Variants in SNX29 observed in about 807,000 individuals in gnomAD.
SNX29 encodes the protein sorting nexin 29.
In SNX29, 78 loss-of-function variants were observed where a neutral mutation model predicts 102.1. The observed-to-expected ratio is 0.76, with a 90% CI of 0.64 to 0.92. The LOEUF is 0.92. SNX29 is among the 40% of genes least tolerant of loss of function. The pLI is 0.00. For synonymous variants in SNX29, 580 were observed against 414.5 expected, an observed-to-expected ratio of 1.40 and a Z score of -4.85; for missense variants, 1,280 against 1,061.7, an observed-to-expected ratio of 1.21 and a Z score of -2.86.
At chr16:12,550,482 C>G (rs1044236847) in intron 20 of SNX29, among the ~76,000 whole-genome samples, 1 of 149,332 alleles carries the variant, frequency 6.7e-6, no homozygotes, top group South Asian at 2.1e-4. Flanking sequence ...TTGGAGTGAG[C>G]TGACATTGTG....
intron 15 of SNX29, among the ~76,000 whole-genome samples, chr16:12,333,496 T>G (rs189921799): frequency 1.3e-5 from 2 of 152,168 alleles, no homozygotes; most frequent in South Asian, 4.1e-4. Flanking sequence ...TTAAGTAATT[T>G]GATCAATTAC....
At chr16:12,139,271 A>G (rs1001902498) in intron 13 of SNX29, among the ~76,000 whole-genome samples, 11 of 149,360 alleles carry the variant, frequency 7.4e-5, no homozygotes, top group Admixed American at 4.0e-4. Context: ...GAGACCGATC[A>G]GGTCCCTCTG....
At chr16:12,023,713 G>A (rs2057100175) in intron 3 of SNX29, among the ~76,000 whole-genome samples, 1 of 152,088 alleles carries the variant, frequency 6.6e-6, no homozygotes, top group Non-Finnish European at 1.5e-5. Flanking sequence ...TCCCATATAA[G>A]ATGGGAAGCA....
Position 11,976,755 on chromosome 16 carries a change from G to A in SNX29, c.-52G>A. 1 of 1,261,450 alleles carries A rather than the reference G, an allele frequency of 7.9e-7. No individual in the cohort carries two copies. Among genetic ancestry groups the A allele is most frequent in the Non-Finnish European group, 1.0e-6 (1 of 986,100 alleles). The allele number at this position is 1,261,450 out of a possible 1,614,324, so 78.1% of individuals were successfully genotyped here. ...GCCTGTCTGGAGCTCGGCAGCCGCA[G>A]AAGCGGCAGCGGCGGCGGCGCGGCG... On this transcript the variant is annotated 5_prime_UTR_variant, in exon 1 of 21. Coordinates refer to ENST00000566228, the MANE Select transcript of SNX29 (RefSeq NM_032167.5).
At chr16:12,461,370 A>G (rs1035341301) in intron 18 of SNX29, among the ~76,000 whole-genome samples, 9 of 152,184 alleles carry the variant, frequency 5.9e-5, no homozygotes, top group African/African-American at 9.6e-5. Flanking sequence ...TGCTGCTTCT[A>G]TTACTGTGAC....
chr16:12,364,212 T>TGTTATGTTATGTTATGTTAA lies in SNX29; in HGVS notation c.1899+7938_1899+7939insGTTATGTTATGTTAAGTTAT, dbSNP rs774751996. 1.3e-3 allele frequency among the ~76,000 whole-genome samples: 197 copies of TGTTATGTTATGTTATGTTAA among 150,074 alleles called. 3 individuals carry two copies. Among genetic ancestry groups the TGTTATGTTATGTTATGTTAA allele is most frequent in the African/African-American group, 3.5e-3 (143 of 40,406 alleles). ...TGTTATGTTATGTTATGTTATGTTA[T>TGTTATGTTATGTTATGTTAA]GTTATTTTTGTAGAGGCAGGCTCTC... is the stretch of plus-strand genomic sequence containing the variant. On this transcript the variant is annotated intron_variant, in intron 16 of 20. Coordinates refer to ENST00000566228, the MANE Select transcript of SNX29 (RefSeq NM_032167.5).
Position 12,549,775 on chromosome 16 carries a change from A to C in SNX29, c.2319-18731A>C, listed in dbSNP as rs2561030. Among the ~76,000 whole-genome samples, 6 of 152,322 alleles carry C rather than the reference A, an allele frequency of 3.9e-5. No homozygotes were observed. The East Asian group carries it at 1.2e-3, about 29-fold the overall frequency. ...GAGACCTGTTGGTGATTAGCAGGTGATTTCTACTTGCAGACAAGGCCCATC... is the reference window on the plus strand; with the variant it reads ...GAGACCTGTTGGTGATTAGCAGGTGCTTTCTACTTGCAGACAAGGCCCATC... On this transcript the variant is annotated intron_variant, in intron 20 of 20. Coordinates refer to ENST00000566228, the MANE Select transcript of SNX29 (RefSeq NM_032167.5).
intron 4 of SNX29, among the ~76,000 whole-genome samples, chr16:12,038,439 G>A (rs1466716474): frequency 6.6e-6 from 1 of 152,300 alleles, no homozygotes; most frequent in Non-Finnish European, 1.5e-5. Context: ...ACTTGTTCTT[G>A]TTGGCATTCG....
At chr16:12,364,419 T>C (rs72771510) in intron 16 of SNX29, among the ~76,000 whole-genome samples, 2,852 of 49,262 alleles carry the variant, frequency 0.058, 35 homozygotes, top group Non-Finnish European at 0.079. Flanking sequence ...TCTTCTTCTT[T>C]TTTTTTTTTT....
At chr16:12,010,692 C>CAG (rs1479566617) in intron 3 of SNX29, among the ~76,000 whole-genome samples, 3 of 151,828 alleles carry the variant, frequency 2.0e-5, no homozygotes, top group African/African-American at 7.3e-5. Flanking sequence ...CAGAAGAAAT[C>CAG]ATAGGAGAGC....
At chr16:12,536,774 C>G (rs958019830) in intron 20 of SNX29, among the ~76,000 whole-genome samples, 1 of 152,086 alleles carries the variant, frequency 6.6e-6, no homozygotes, top group Non-Finnish European at 1.5e-5. Context: ...CCAGGAGTTT[C>G]AGACCAGCCT....
intron 13 of SNX29, among the ~76,000 whole-genome samples, chr16:12,158,269 G>T (rs1017389639): frequency 2.0e-5 from 3 of 151,856 alleles, no homozygotes; most frequent in Non-Finnish European, 4.4e-5. Context: ...GCGCAATCTC[G>T]GCTTACTGCA....
intron 19 of SNX29, among the ~76,000 whole-genome samples, chr16:12,483,115 T>TTTTTGTTTTG (rs1491324829): frequency 1.8e-5 from 1 of 54,768 alleles, no homozygotes; most frequent in East Asian, 6.6e-4. Context: ...AGTTATTAAG[T>TTTTTGTTTTG]TTTTTTTTTT....
At chr16:12,060,893 T>A (rs2050746870) in intron 8 of SNX29, 2 of 456,010 alleles carry the variant, frequency 4.4e-6, no homozygotes, top group Non-Finnish European at 8.8e-6. Context: ...TTGAGCCGAC[T>A]CCCTTTCTTG....
intron 14 of SNX29, among the ~76,000 whole-genome samples, chr16:12,224,691 G>C (rs190623128): frequency 1.3e-5 from 2 of 152,350 alleles, no homozygotes; most frequent in East Asian, 3.9e-4. Flanking sequence ...TGAATTTACC[G>C]GTGGATCTTT....
At chr16:12,369,790 A>G (rs933280445) in intron 16 of SNX29, among the ~76,000 whole-genome samples, 2 of 152,214 alleles carry the variant, frequency 1.3e-5, no homozygotes, top group Admixed American at 6.5e-5. Context: ...AACTAAATAC[A>G]TTATACTTAT....
chr16:12,384,403 T>G (rs1340585856), intron 16 of SNX29, among the ~76,000 whole-genome samples: 1 of 152,218 alleles, frequency 6.6e-6, no homozygotes, highest in Non-Finnish European at 1.5e-5. Context: ...TCTTTTGGAT[T>G]AAAACCATTT....
At chr16:12,196,436 C>T (rs1331321298) in intron 13 of SNX29, among the ~76,000 whole-genome samples, 3 of 152,104 alleles carry the variant, frequency 2.0e-5, no homozygotes, top group African/African-American at 7.2e-5. Context: ...ATATTTCCCA[C>T]TACATACGTA....
chr16:12,134,850 T>A (rs1020711409), intron 13 of SNX29, among the ~76,000 whole-genome samples: 8 of 152,206 alleles, frequency 5.3e-5, no homozygotes, highest in Non-Finnish European at 1.2e-4. Context: ...CAATAGGATG[T>A]ATGTATATCT....
Sources: gnomAD v4.1 joint callset for allele counts (sites outside exome capture counted in the v4.1 genomes callset) on GRCh38, gnomAD v4.1.1 for gene constraint, MANE v1.5 for transcripts, NCBI Gene and HGNC (gene_info 2026-07-23, HGNC 2026-07-21) for gene names.